Variants in KYAT3 observed in about 807,000 individuals in gnomAD.
KYAT3 encodes kynurenine--oxoglutarate transaminase 3.
Under a neutral mutation model 59.0 loss-of-function variants are expected in KYAT3, and 50 were observed. The observed-to-expected ratio is 0.85, with a 90% confidence interval of 0.68 to 1.07. The LOEUF is 1.07. Among genes scored for constraint, KYAT3 ranks in the 50% least tolerant of loss-of-function variants. The probability of loss-of-function intolerance (pLI) is 0.00; values close to 1 mark genes in which losing one functional copy is unlikely to be tolerated. For synonymous variants in KYAT3, 148 were observed against 177.0 expected (o/e 0.84, Z 1.30); for missense variants, 497 against 533.3 (o/e 0.93, Z 0.67).
intron 9 of KYAT3, among the ~76,000 whole-genome samples, chr1:88,954,805 G>C (rs966018642): frequency 1.3e-5 from 2 of 152,100 alleles, no homozygotes; most frequent in Admixed American, 1.3e-4. Flanking sequence ...AGATGGTCTT[G>C]TTCTGTCTCC....
chr1:88,984,981 C>T (rs1677362011), intron 2 of KYAT3, among the ~76,000 whole-genome samples: 1 of 152,318 alleles, frequency 6.6e-6, no homozygotes, highest in South Asian at 2.1e-4. Context: ...AAATCTTTAG[C>T]ACATGTTCAT....
chr1:88,973,018 T>C (rs1015154779), intron 2 of KYAT3, among the ~76,000 whole-genome samples: 1 of 152,180 alleles, frequency 6.6e-6, no homozygotes, highest in Non-Finnish European at 1.5e-5. Context: ...TTAGTTAAGA[T>C]GAGGTCATTA....
At chr1:88,979,853 A>T (rs1412951447) in intron 2 of KYAT3, 4 of 152,240 alleles carry the variant, frequency 2.6e-5, no homozygotes, top group African/African-American at 7.2e-5. Context: ...ATGTCTACAC[A>T]GTGGCTTGTA....
intron 2 of KYAT3, among the ~76,000 whole-genome samples, chr1:88,972,548 T>C (rs1309676888): frequency 6.6e-6 from 1 of 152,224 alleles, no homozygotes; most frequent in Non-Finnish European, 1.5e-5. Flanking sequence ...CAGTGATAAA[T>C]GACCCCAAAG....
chr1:88,972,675 T>C (rs1003824043), intron 2 of KYAT3, among the ~76,000 whole-genome samples: 2 of 152,236 alleles, frequency 1.3e-5, no homozygotes, highest in Non-Finnish European at 2.9e-5. Context: ...TGAAACAGCC[T>C]TCACCTGGAA....
At chr1:88,929,802 C>T in the KYAT3 span, among the ~76,000 whole-genome samples, 1 of 152,238 alleles carries the variant, frequency 6.6e-6, no homozygotes, top group Admixed American at 6.5e-5. Context: ...CTGGCTTATC[C>T]TCATCCCAAA....
At chr1:88,940,196 A>G (rs1396727011) in intron 13 of KYAT3, among the ~76,000 whole-genome samples, 5 of 152,112 alleles carry the variant, frequency 3.3e-5, no homozygotes, top group Non-Finnish European at 5.9e-5. Flanking sequence ...CAGCCTCCCA[A>G]GTAACTGAGA....
chr1:88,932,815 A>G (rs115344789), downstream of KYAT3, among the ~76,000 whole-genome samples: 581 of 152,186 alleles, frequency 3.8e-3, 1 homozygote, highest in African/African-American at 0.013. Context: ...TTACATATTT[A>G]AAAAAATGGA....
At chr1:88,925,925 T>G in the KYAT3 span, among the ~76,000 whole-genome samples, 1 of 152,320 alleles carries the variant, frequency 6.6e-6, no homozygotes, top group Admixed American at 6.5e-5. Context: ...CAATACCACT[T>G]TGTTGTCAGT....
At chr1:88,955,298 C>G in intron 8 of KYAT3, 73 bp from the exon 9 acceptor site, 1 of 848,040 alleles carries the variant, frequency 1.2e-6, no homozygotes, top group Non-Finnish European at 1.9e-6. Flanking sequence ...AAAAACATAA[C>G]AAAGATACAT....
Position 88,951,876 on chromosome 1 carries a change from T to C in KYAT3, c.954+1187A>G, listed in dbSNP as rs139072434. ...GTGAAAGGAACTTTGCAGATGTGAT[T>C]GAAATTAAGGAGATTATCCTTAATT... On this transcript the variant is annotated intron_variant, in intron 10 of 13. Coordinates refer to ENST00000260508, the MANE Select transcript of KYAT3 (RefSeq NM_001008661.3). Among the ~76,000 whole-genome samples, 980 of 152,230 alleles carry C rather than the reference T, an allele frequency of 6.4e-3. 15 individuals are homozygous for C. The highest frequency in any genetic ancestry group is 0.022 in the African/African-American group (926 of 41,522).
At chr1:88,973,492 C>G (rs900020243) in intron 2 of KYAT3, among the ~76,000 whole-genome samples, 1 of 152,124 alleles carries the variant, frequency 6.6e-6, no homozygotes, top group African/African-American at 2.4e-5. Context: ...TAGAATCCTA[C>G]GGGGAATCAG....
intron 2 of KYAT3, among the ~76,000 whole-genome samples, chr1:88,970,222 G>C (rs958350012): frequency 2.0e-5 from 3 of 152,188 alleles, no homozygotes; most frequent in Non-Finnish European, 2.9e-5. Context: ...AAGCTACTCA[G>C]TAAGGGGTTC....
intron 2 of KYAT3, among the ~76,000 whole-genome samples, chr1:88,985,675 C>T (rs1392236766): frequency 6.6e-6 from 1 of 152,110 alleles, no homozygotes; most frequent in Non-Finnish European, 1.5e-5. Flanking sequence ...ATACCTGCCC[C>T]ATGTAAGTGC....
chr1:88,979,259 A>G (rs1009923992), intron 2 of KYAT3, among the ~76,000 whole-genome samples: 1 of 152,140 alleles, frequency 6.6e-6, no homozygotes, highest in African/African-American at 2.4e-5. Flanking sequence ...TCTTTACTTG[A>G]GACTAAACAG....
intron 2 of KYAT3, among the ~76,000 whole-genome samples, chr1:88,985,238 C>T (rs991604312): frequency 2.0e-5 from 3 of 152,122 alleles, no homozygotes; most frequent in South Asian, 2.1e-4. Flanking sequence ...GAAGGGAGTG[C>T]GTGAGTATTG....
intron 13 of KYAT3, among the ~76,000 whole-genome samples, chr1:88,942,299 CTTA>C (rs1244736876): frequency 6.6e-6 from 1 of 151,506 alleles, no homozygotes; most frequent in Non-Finnish European, 1.5e-5. Context: ...TCTCTGTTCA[CTTA>C]TTATTACCAC....
At chr1:88,928,425 C>T in the KYAT3 span, among the ~76,000 whole-genome samples, 1 of 151,958 alleles carries the variant, frequency 6.6e-6, no homozygotes, top group Non-Finnish European at 1.5e-5. Flanking sequence ...CTCAGGCAAG[C>T]GGACTTTGGA....
chr1:88,935,126 T>C (rs1674986786), downstream of KYAT3, among the ~76,000 whole-genome samples: 1 of 151,284 alleles, frequency 6.6e-6, no homozygotes, highest in Non-Finnish European at 1.5e-5. Flanking sequence ...CCCAAGTAGC[T>C]GGGATTACAG....
Sources: allele counts gnomAD v4.1 joint callset (sites outside exome capture counted in the v4.1 genomes callset), GRCh38; gene constraint gnomAD v4.1.1; transcripts MANE v1.5; gene names NCBI Gene and HGNC (gene_info 2026-07-23, HGNC 2026-07-21).